The following ZFPM2 variants were observed in gnomAD, a reference collection of about 807,000 sequenced individuals.
ZFPM2 encodes the protein zinc finger protein, FOG family member 2, also known as zinc finger protein ZFPM2.
In ZFPM2, 20 loss-of-function variants were observed where a neutral mutation model predicts 98.6. The observed-to-expected ratio is 0.20, with a 90% CI of 0.14 to 0.29. The LOEUF is 0.29. Among genes scored for constraint, ZFPM2 ranks in the 10% least tolerant of loss-of-function variants. ZFPM2 has a pLI of 1.00. For synonymous variants in ZFPM2, 518 were observed against 502.7 expected (o/e 1.03, Z -0.41); for missense variants, 1,310 against 1,388.6 (o/e 0.94, Z 0.90).
At chr8:105,322,746 A>C (rs1812050729) in intron 1 of ZFPM2, among the ~76,000 whole-genome samples, 1 of 152,146 alleles carries the variant, frequency 6.6e-6, no homozygotes, top group Admixed American at 6.5e-5. Flanking sequence ...CAGATACTGG[A>C]AATTAGCATG....
intron 4 of ZFPM2, among the ~76,000 whole-genome samples, chr8:105,619,649 C>T (rs1586154175): frequency 6.6e-6 from 1 of 152,130 alleles, no homozygotes; most frequent in Non-Finnish European, 1.5e-5. Context: ...TCATCATTTA[C>T]ATTAGGTATA....
At chr8:105,454,176 A>C (rs1450605889) in intron 3 of ZFPM2, among the ~76,000 whole-genome samples, 2 of 143,704 alleles carry the variant, frequency 1.4e-5, no homozygotes, top group Admixed American at 7.0e-5. Flanking sequence ...CCCTACACTC[A>C]CCCCCCACCC....
At chr8:105,319,085 C>T in intron 1 of ZFPM2, 104 bp downstream of exon 1, 1 of 1,317,016 alleles carries the variant, frequency 7.6e-7, no homozygotes. Context: ...GGGAGATCCG[C>T]TCCCGGTCCC....
At chr8:105,784,167 G>C (rs920031053) in intron 5 of ZFPM2, among the ~76,000 whole-genome samples, 3 of 152,072 alleles carry the variant, frequency 2.0e-5, no homozygotes, top group Non-Finnish European at 2.9e-5. Flanking sequence ...TCATGTGCTT[G>C]GATAGCTTCT....
chr8:105,421,417 G>T (rs2130091681), intron 2 of ZFPM2, among the ~76,000 whole-genome samples: 1 of 152,120 alleles, frequency 6.6e-6, no homozygotes, highest in South Asian at 2.1e-4. Context: ...AACAATTCCT[G>T]TTTTCACATG....
intron 5 of ZFPM2, among the ~76,000 whole-genome samples, chr8:105,712,980 G>A (rs1203118380): frequency 6.6e-6 from 1 of 152,006 alleles, no homozygotes; most frequent in African/African-American, 2.4e-5. Flanking sequence ...ATAGTGAATA[G>A]TGTGGCAATA....
intron 3 of ZFPM2, among the ~76,000 whole-genome samples, chr8:105,465,748 A>G (rs1245821024): frequency 2.0e-5 from 3 of 151,964 alleles, no homozygotes; most frequent in Non-Finnish European, 2.9e-5. Flanking sequence ...TTCTTATACA[A>G]TGGTAGTTTT....
intron 5 of ZFPM2, among the ~76,000 whole-genome samples, chr8:105,754,127 C>T (rs942793717): frequency 2.6e-5 from 4 of 152,030 alleles, no homozygotes; most frequent in African/African-American, 9.7e-5. Context: ...CACCTTTTTT[C>T]CTAGTGAGAT....
intron 6 of ZFPM2, among the ~76,000 whole-genome samples, chr8:105,793,454 C>A (rs190736493): frequency 1.8e-4 from 27 of 152,244 alleles, no homozygotes; most frequent in African/African-American, 5.1e-4. Context: ...CCGAGAGATC[C>A]GCTGTTAGTC....
intron 1 of ZFPM2, among the ~76,000 whole-genome samples, chr8:105,393,769 T>C (rs1811164695): frequency 6.6e-6 from 1 of 152,202 alleles, no homozygotes; most frequent in Non-Finnish European, 1.5e-5. Context: ...TGTAACAGTG[T>C]AAATTGTGGA....
At chr8:105,460,113 G>C (rs1308903053) in intron 3 of ZFPM2, among the ~76,000 whole-genome samples, 1 of 152,158 alleles carries the variant, frequency 6.6e-6, no homozygotes, top group African/African-American at 2.4e-5. Context: ...GTGGAACCCT[G>C]CAGCCTAAGG....
At chr8:105,319,083 C>A in intron 1 of ZFPM2, 102 bp downstream of exon 1, 1 of 1,323,958 alleles carries the variant, frequency 7.6e-7, no homozygotes, top group South Asian at 1.6e-5. Flanking sequence ...AGGGGAGATC[C>A]GCTCCCGGTC....
chr8:105,323,232 A>G (rs2130648122), intron 1 of ZFPM2, among the ~76,000 whole-genome samples: 1 of 151,972 alleles, frequency 6.6e-6, no homozygotes, highest in Non-Finnish European at 1.5e-5. Context: ...TGTTTTGGGA[A>G]TACTACCTAT....
At chr8:105,490,511 T>C (rs1248253031) in intron 3 of ZFPM2, among the ~76,000 whole-genome samples, 1 of 152,240 alleles carries the variant, frequency 6.6e-6, no homozygotes, top group Admixed American at 6.5e-5. Flanking sequence ...ACAGCTATTG[T>C]TGCCTAAAAC....
chr8:105,366,680 C>A (rs1810519132), intron 1 of ZFPM2, among the ~76,000 whole-genome samples: 1 of 126,978 alleles, frequency 7.9e-6, no homozygotes, highest in South Asian at 3.0e-4. Flanking sequence ...TCCCCCCACC[C>A]CACCATAGTC....
At chr8:105,608,551 G>C (rs1393531485) in intron 4 of ZFPM2, among the ~76,000 whole-genome samples, 1 of 142,842 alleles carries the variant, frequency 7.0e-6, no homozygotes, top group African/African-American at 2.6e-5. Context: ...ATATTATTTA[G>C]AGTTTAGAAA....
chr8:105,760,949 G>T (rs1812721736), intron 5 of ZFPM2, among the ~76,000 whole-genome samples: 1 of 151,942 alleles, frequency 6.6e-6, no homozygotes, highest in Admixed American at 6.6e-5. Context: ...GAGATATTGT[G>T]TCATCTTACA....
chr8:105,648,774 T>A (rs976656359), intron 5 of ZFPM2, among the ~76,000 whole-genome samples: 6 of 152,132 alleles, frequency 3.9e-5, no homozygotes, highest in African/African-American at 9.7e-5. Flanking sequence ...TGTTTTGGTT[T>A]CTGTAGCCTT....
chr8:105,594,010 A>G (rs1815910992), intron 4 of ZFPM2, among the ~76,000 whole-genome samples: 1 of 152,110 alleles, frequency 6.6e-6, no homozygotes, highest in Non-Finnish European at 1.5e-5. Context: ...GCTTCTAGGT[A>G]TTAAAACCGC....
Sources: allele counts gnomAD v4.1 joint callset (sites outside exome capture counted in the v4.1 genomes callset), GRCh38; gene constraint gnomAD v4.1.1; transcripts MANE v1.5; gene names NCBI Gene and HGNC (gene_info 2026-07-23, HGNC 2026-07-21).